BRWD1: variants seen among roughly 807,000 people sequenced by gnomAD.
BRWD1 encodes the protein bromodomain and WD repeat-containing protein 1.
In BRWD1, 82 loss-of-function variants were observed where a neutral mutation model predicts 251.2. The observed-to-expected ratio is 0.33, with a 90% CI of 0.27 to 0.39. BRWD1 has a LOEUF of 0.39. BRWD1 is among the 10% of genes least tolerant of loss of function. The pLI is 1.00. For synonymous variants in BRWD1, 918 were observed against 902.8 expected (o/e 1.02, Z -0.30); for missense variants, 2,233 against 2,711.6 (o/e 0.82, Z 3.92).
intron 38 of BRWD1, among the ~76,000 whole-genome samples, chr21:39,201,196 A>C (rs919487342): frequency 6.6e-6 from 1 of 152,138 alleles, no homozygotes; most frequent in Non-Finnish European, 1.5e-5. Flanking sequence ...GAGAGGGAAG[A>C]AAAGAAAACT....
rs544874726 is a variant in BRWD1, at chr21:39,191,643, A to T, written c.*4616T>A. 6 of 984,164 alleles carry T rather than the reference A, an allele frequency of 6.1e-6. No homozygotes were observed. In the African/African-American group the frequency reaches 1.0e-4, roughly 17 times the overall value. The allele number at this position is 984,164 out of a possible 1,614,324, so 61.0% of individuals were successfully genotyped here. A position where few individuals can be genotyped will look rare whatever the true frequency, so the allele number is the denominator to read the frequency against. ...TCACATTTAGAAAATTAACTTGAAT[A>T]TATCAAAAATTAAAGATCCCTTTAA... On this transcript the variant is annotated 3_prime_UTR_variant, in exon 41 of 41. Coordinates refer to ENST00000342449, the MANE Select transcript of BRWD1 (RefSeq NM_033656.4).
chr21:39,278,652 T>C lies in BRWD1; in HGVS notation c.1003+91A>G, dbSNP rs115260085. ...AATAAACACCAGAAGTCATTTACCATGTAGCTAATAAAAGTTCTTAGCAAC... is the reference window on the plus strand; with the variant it reads ...AATAAACACCAGAAGTCATTTACCACGTAGCTAATAAAAGTTCTTAGCAAC... On this transcript the variant is annotated intron_variant, in intron 10 of 40. Coordinates refer to ENST00000342449, the MANE Select transcript of BRWD1 (RefSeq NM_033656.4). 3,493 of 881,168 alleles carry C rather than the reference T, an allele frequency of 4.0e-3. 86 individuals carry two copies. In the African/African-American group the frequency reaches 0.053, roughly 13 times the overall value. The allele number at this position is 881,168 out of a possible 1,614,324, so 54.6% of individuals were successfully genotyped here. A position where few individuals can be genotyped will look rare whatever the true frequency, so the allele number is the denominator to read the frequency against.
Position 39,190,661 on chromosome 21 carries a change from A to C in BRWD1, c.*5598T>G, listed in dbSNP as rs1473537566. 2 of 985,288 alleles carry C rather than the reference A, an allele frequency of 2.0e-6. No individual in the cohort carries two copies. The highest frequency in any genetic ancestry group is 6.1e-5 in the Admixed American group (1 of 16,262). The allele number at this position is 985,288 out of a possible 1,614,324, so 61.0% of individuals were successfully genotyped here. ...CAAATAACATTTATCAATGATCTTC[A>C]TCCCTCCCAAAGCAGAAGTTTCCAA... On this transcript the variant is annotated 3_prime_UTR_variant, in exon 41 of 41. Coordinates refer to ENST00000342449, the MANE Select transcript of BRWD1 (RefSeq NM_033656.4).
chr21:39,238,703 A>G (rs961104682), intron 21 of BRWD1, 130 bp from the exon 22 acceptor site: 4 of 592,630 alleles, frequency 6.7e-6, no homozygotes, highest in Non-Finnish European at 1.2e-5. Context: ...ATCAGTAAAT[A>G]TATAATCAGA....
chr21:39,211,216 TATA>T (rs895981584), intron 34 of BRWD1, among the ~76,000 whole-genome samples: 41 of 152,294 alleles, frequency 2.7e-4, no homozygotes, highest in African/African-American at 9.1e-4. Flanking sequence ...CTCCCAGGTT[TATA>T]ATATTTGTTT....
intron 29 of BRWD1, among the ~76,000 whole-genome samples, chr21:39,222,329 G>A (rs1046646260): frequency 1.6e-4 from 24 of 152,158 alleles, no homozygotes; most frequent in African/African-American, 2.2e-4. Context: ...CCATACAATG[G>A]AATATGATTC....
chr21:39,244,461 G>A (rs2034110441), intron 21 of BRWD1, among the ~76,000 whole-genome samples: 1 of 152,136 alleles, frequency 6.6e-6, no homozygotes, highest in South Asian at 2.1e-4. Context: ...AAGAGTGCCT[G>A]AATTCCTACT....
chr21:39,195,794 CATG>C lies in BRWD1; in HGVS notation c.*462_*464del. On this transcript the variant is annotated 3_prime_UTR_variant, in exon 41 of 41. Transcript: ENST00000342449. ...GCCTACTAATCATGGTTACACCTCC[CATG>C]ATTATAGTGTCAGTATGCATGTATT... 1.0e-6 allele frequency: 1 copy of C among 985,728 alleles called. No individual in the cohort carries two copies. Among genetic ancestry groups the C allele is most frequent in the Non-Finnish European group, 1.2e-6 (1 of 830,234 alleles). The allele number at this position is 985,728 out of a possible 1,614,324, so 61.1% of individuals were successfully genotyped here.
At position 39,211,051 on chromosome 21, in the gene BRWD1, C is replaced by T. The variant is rs144909555; in HGVS notation, c.3901-122G>A. The T allele has an allele frequency of 2.7e-5, 27 of 1,000,922 alleles. No homozygotes were observed. The African/African-American group carries it at 3.8e-4, about 14-fold the overall frequency. The allele number at this position is 1,000,922 out of a possible 1,614,324, so 62.0% of individuals were successfully genotyped here. ...AATGTCATATATGTTGCTCTCAACA[C>T]ATTTTTCCAGAAATGAAATTTTTAA... On this transcript the variant is annotated intron_variant, in intron 34 of 40. Coordinates refer to ENST00000342449, the MANE Select transcript of BRWD1 (RefSeq NM_033656.4).
intron 29 of BRWD1, among the ~76,000 whole-genome samples, chr21:39,223,316 T>TA: frequency 6.6e-6 from 1 of 152,176 alleles, no homozygotes; most frequent in African/African-American, 2.4e-5. Flanking sequence ...TAAAGTGCTA[T>TA]AAAAAATGGA....
chr21:39,315,048 G>A (rs2036671471), upstream of BRWD1: 1 of 152,208 alleles, frequency 6.6e-6, no homozygotes, highest in African/African-American at 2.4e-5. Flanking sequence ...TCAGGCTGGA[G>A]TGCAGTGGCG....
At chr21:39,252,719 T>A (rs371643337) in intron 19 of BRWD1, among the ~76,000 whole-genome samples, 4 of 152,218 alleles carry the variant, frequency 2.6e-5, no homozygotes, top group Non-Finnish European at 5.9e-5. Flanking sequence ...AGAAACACAA[T>A]ACCAATTTTT....
chr21:39,188,856 T>C lies in BRWD1; in HGVS notation c.*7403A>G, dbSNP rs1266017869. On this transcript the variant is annotated 3_prime_UTR_variant, in exon 41 of 41. Coordinates refer to ENST00000342449, the MANE Select transcript of BRWD1 (RefSeq NM_033656.4). ...TTTTCCAGTGAAATTCTAAGGGCAC[T>C]ATGTTTTGTTCAGTGTTCAGTCTCC... is the stretch of plus-strand genomic sequence containing the variant. 8 of 985,314 alleles carry C rather than the reference T, an allele frequency of 8.1e-6. No individual in the cohort carries two copies. The highest frequency in any genetic ancestry group is 9.6e-6 in the Non-Finnish European group (8 of 829,942). 61.0% of individuals were successfully genotyped at this position (985,314 alleles called of 1,614,324 possible).
intron 8 of BRWD1, among the ~76,000 whole-genome samples, chr21:39,285,012 T>C (rs992282366): frequency 3.3e-5 from 5 of 152,210 alleles, no homozygotes; most frequent in Non-Finnish European, 5.9e-5. Context: ...ATTGAAGAGA[T>C]AATTGCACTC....
intron 4 of BRWD1, among the ~76,000 whole-genome samples, chr21:39,300,778 G>C (rs1315959312): frequency 6.6e-6 from 1 of 152,182 alleles, no homozygotes; most frequent in African/African-American, 2.4e-5. Flanking sequence ...AGATGGCCCA[G>C]ATGTTCAAAA....
intron 20 of BRWD1, among the ~76,000 whole-genome samples, chr21:39,248,766 C>T (rs1385536919): frequency 6.7e-6 from 1 of 149,690 alleles, no homozygotes; most frequent in Non-Finnish European, 1.5e-5. Flanking sequence ...GCTAGTGAAA[C>T]TGTAACTTAA....
intron 38 of BRWD1, 160 bp from the exon 39 acceptor site, chr21:39,200,546 G>A: frequency 3.6e-6 from 2 of 559,630 alleles, no homozygotes; most frequent in Middle Eastern, 5.0e-4. Flanking sequence ...CCCAAAAAAA[G>A]CTGATGAAAT....
rs565331912 is a variant in BRWD1 at position 39,276,072 on chromosome 21, A to C, written c.1145+101T>G. On this transcript the variant is annotated intron_variant, in intron 12 of 40. Coordinates refer to ENST00000342449, the MANE Select transcript of BRWD1 (RefSeq NM_033656.4). ...TAAATAAATAATCATAATAATATAA[A>C]GGGAAAAAATACATACAAAATGACA... 543 of 1,012,366 alleles carry C rather than the reference A, an allele frequency of 5.4e-4. 3 individuals carry two copies. In the African/African-American group the frequency reaches 7.7e-3, roughly 14 times the overall value. The allele number at this position is 1,012,366 out of a possible 1,614,324, so 62.7% of individuals were successfully genotyped here.
rs2031734195 is a variant in BRWD1, at chr21:39,194,934, C to CA, written c.*1324dup. 6.7e-7 allele frequency: 1 copy of CA among 1,481,484 alleles called. No homozygotes were observed. The highest frequency in any genetic ancestry group is 1.4e-5 in the African/African-American group (1 of 71,222). The allele number at this position is 1,481,484 out of a possible 1,614,324, so 91.8% of individuals were successfully genotyped here. On this transcript the variant is annotated 3_prime_UTR_variant, in exon 41 of 41. Transcript: ENST00000342449. Reference sequence around the variant, plus strand: ...GGGGTACTGTAACATATCCCTTACCCACTAAATATGTAAACCATTTGAATC... The same window carrying CA: ...GGGGTACTGTAACATATCCCTTACCCAACTAAATATGTAAACCATTTGAATC...
Sources: gnomAD v4.1 joint callset for allele counts (sites outside exome capture counted in the v4.1 genomes callset) on GRCh38, gnomAD v4.1.1 for gene constraint, MANE v1.5 for transcripts, NCBI Gene and HGNC (gene_info 2026-07-23, HGNC 2026-07-21) for gene names.